GREM2: variants seen among roughly 807,000 people sequenced by gnomAD.
The protein encoded by GREM2 is gremlin 2, DAN family BMP antagonist, also known as gremlin-2.
GREM2 carries 11 observed loss-of-function variants against 14.2 expected under a neutral mutation model. That is an observed-to-expected ratio of 0.78 (90% CI 0.49 to 1.28). The LOEUF (loss-of-function observed/expected upper bound fraction) is 1.28, where lower values mean the gene tolerates loss of function less well. Among genes scored for constraint, GREM2 ranks in the 50% most tolerant of loss-of-function variants. The pLI is 0.00. For synonymous variants in GREM2, 98 were observed against 97.6 expected (o/e 1.00, Z -0.02); for missense variants, 210 against 218.5 (o/e 0.96, Z 0.24).
intron 1 of GREM2, among the ~76,000 whole-genome samples, chr1:240,508,270 T>C (rs2103286398): frequency 6.6e-6 from 1 of 152,350 alleles, no homozygotes; most frequent in African/African-American, 2.4e-5. Flanking sequence ...ACACATCTAA[T>C]GTTTCAGAGA....
Position 240,492,861 on chromosome 1 carries a change from G to A in GREM2, c.*108C>T. 2 of 1,115,986 alleles carry A rather than the reference G, an allele frequency of 1.8e-6. No homozygotes were observed. The highest frequency in any genetic ancestry group is 1.2e-6 in the Non-Finnish European group (1 of 864,178). 69.1% of individuals were successfully genotyped at this position (1,115,986 alleles called of 1,614,324 possible). A position where few individuals can be genotyped will look rare whatever the true frequency, so the allele number is the denominator to read the frequency against. ...TAAGAGAAGTGCTTGCTGCTGAGGG[G>A]GAACACCAGGCAGCGTGACAGTGGG... is the stretch of plus-strand genomic sequence containing the variant. On this transcript the variant is annotated 3_prime_UTR_variant, in exon 2 of 2. Transcript: ENST00000318160.
rs1677669264 is a variant in GREM2, at chr1:240,505,985, A to ATTT, written c.-1-12510_-1-12509insAAA. Among the ~76,000 whole-genome samples the ATTT allele has an allele frequency of 4.6e-5, 7 of 152,114 alleles. No individual in the cohort carries two copies. In the South Asian group the frequency reaches 1.5e-3, roughly 32 times the overall value. On this transcript the variant is annotated intron_variant, in intron 1 of 1. Coordinates refer to ENST00000318160, the MANE Select transcript of GREM2 (RefSeq NM_022469.4). ...AAAACGTGGTATAACCATTTTTTTA[A>ATTT]AAAAAAGATCCAGTTTGCAATACTC...
intron 1 of GREM2, among the ~76,000 whole-genome samples, chr1:240,499,408 G>A (rs554874846): frequency 2.0e-5 from 3 of 152,290 alleles, no homozygotes; most frequent in African/African-American, 4.8e-5. Context: ...AGTCCCCAGG[G>A]CTGAATAGCT....
intron 1 of GREM2, among the ~76,000 whole-genome samples, chr1:240,581,854 T>C (rs1679492414): frequency 6.6e-6 from 1 of 152,254 alleles, no homozygotes; most frequent in Non-Finnish European, 1.5e-5. Context: ...GTACACAGAA[T>C]TTGATTTTGG....
intron 1 of GREM2, among the ~76,000 whole-genome samples, chr1:240,572,438 T>G (rs962745096): frequency 3.3e-5 from 5 of 152,208 alleles, no homozygotes; most frequent in Admixed American, 3.3e-4. Context: ...CTTGTTTGCA[T>G]TCTATGAAAT....
At chr1:240,582,876 C>A (rs1389230219) in intron 1 of GREM2, among the ~76,000 whole-genome samples, 1 of 145,068 alleles carries the variant, frequency 6.9e-6, no homozygotes, top group Non-Finnish European at 1.5e-5. Context: ...AAGTACGTAG[C>A]TATTAGATTC....
intron 1 of GREM2, among the ~76,000 whole-genome samples, chr1:240,537,671 G>C (rs1425648069): frequency 1.3e-5 from 2 of 152,134 alleles, no homozygotes; most frequent in African/African-American, 4.8e-5. Flanking sequence ...TGTAATCCCA[G>C]CTACTCGGGA....
chr1:240,604,235 T>TG (rs897643553), intron 1 of GREM2, among the ~76,000 whole-genome samples: 2 of 151,722 alleles, frequency 1.3e-5, no homozygotes, highest in Non-Finnish European at 1.5e-5. Context: ...CCTCCAGTAT[T>TG]GGGGGTCACA....
At chr1:240,549,410 A>T (rs545343749) in intron 1 of GREM2, among the ~76,000 whole-genome samples, 7 of 152,134 alleles carry the variant, frequency 4.6e-5, no homozygotes, top group Non-Finnish European at 8.8e-5. Context: ...AAAATAATAC[A>T]TCAACTAATT....
At position 240,492,906 on chromosome 1, in the gene GREM2, G is replaced by A. The variant is rs1340297450; in HGVS notation, c.*63C>T. 1 of 1,326,294 alleles carries A rather than the reference G, an allele frequency of 7.5e-7. No individual in the cohort carries two copies. Among genetic ancestry groups the A allele is most frequent in the African/African-American group, 1.5e-5 (1 of 64,734 alleles). 82.2% of individuals were successfully genotyped at this position (1,326,294 alleles called of 1,614,324 possible). A position where few individuals can be genotyped will look rare whatever the true frequency, so the allele number is the denominator to read the frequency against. ...AGTGGGCTCGGAGGGCAGGGACAGA[G>A]GCGGCGGCGGCGCCACCCAGCGGCC... On this transcript the variant is annotated 3_prime_UTR_variant, in exon 2 of 2. Transcript: ENST00000318160.
Position 240,596,208 on chromosome 1 carries a change from CTT to C in GREM2, c.-2+15674_-2+15675del, listed in dbSNP as rs371692527. Among the ~76,000 whole-genome samples, 656 of 152,244 alleles carry C rather than the reference CTT, an allele frequency of 4.3e-3. 3 individuals are homozygous for C. The highest frequency in any genetic ancestry group is 0.015 in the African/African-American group (619 of 41,524). On this transcript the variant is annotated intron_variant, in intron 1 of 1. Transcript: ENST00000318160. The stretch of plus-strand genomic sequence containing the variant: ...GAAGATCCTACTTGCTTAAATATAA[CTT>C]AGAATCCTAAGTCTAATCAATCATC...
chr1:240,505,313 T>C (rs549512567), intron 1 of GREM2, among the ~76,000 whole-genome samples: 1 of 152,296 alleles, frequency 6.6e-6, no homozygotes, highest in Non-Finnish European at 1.5e-5. Flanking sequence ...AGATATTTCT[T>C]TATAGCCGAC....
chr1:240,535,928 G>C (rs941867507), intron 1 of GREM2, among the ~76,000 whole-genome samples: 1 of 152,168 alleles, frequency 6.6e-6, no homozygotes, highest in Non-Finnish European at 1.5e-5. Context: ...AAGAAGTAGG[G>C]AATGAGCCAG....
At chr1:240,506,694 T>C (rs1157867641) in intron 1 of GREM2, among the ~76,000 whole-genome samples, 1 of 152,232 alleles carries the variant, frequency 6.6e-6, no homozygotes, top group Non-Finnish European at 1.5e-5. Flanking sequence ...GTTGTGCACA[T>C]TAATTTATTC....
At chr1:240,537,878 A>G (rs1678507634) in intron 1 of GREM2, among the ~76,000 whole-genome samples, 1 of 152,250 alleles carries the variant, frequency 6.6e-6, no homozygotes, top group African/African-American at 2.4e-5. Flanking sequence ...TATTAATCAT[A>G]CATACCATGC....
chr1:240,562,265 G>T (rs1212941534), intron 1 of GREM2, among the ~76,000 whole-genome samples: 3 of 152,118 alleles, frequency 2.0e-5, no homozygotes, highest in Non-Finnish European at 4.4e-5. Context: ...TGGCCCCAGG[G>T]CTCCTTTCCT....
chr1:240,587,479 GACTGGC>G, intron 1 of GREM2, among the ~76,000 whole-genome samples: 1 of 151,528 alleles, frequency 6.6e-6, no homozygotes, highest in Non-Finnish European at 1.5e-5. Context: ...AAGCCACTGT[GACTGGC>G]TAATTTTTGT....
At chr1:240,549,553 C>T (rs966953707) in intron 1 of GREM2, among the ~76,000 whole-genome samples, 3 of 151,986 alleles carry the variant, frequency 2.0e-5, no homozygotes, top group Non-Finnish European at 2.9e-5. Context: ...ACAAAAAAAC[C>T]GGTGCATCTG....
intron 1 of GREM2, among the ~76,000 whole-genome samples, chr1:240,533,009 T>A (rs539896562): frequency 9.2e-5 from 14 of 152,234 alleles, no homozygotes; most frequent in Non-Finnish European, 1.8e-4. Flanking sequence ...CAGCAGGTAC[T>A]GTAATTGATA....
Sources: allele counts gnomAD v4.1 joint callset (sites outside exome capture counted in the v4.1 genomes callset), GRCh38; gene constraint gnomAD v4.1.1; transcripts MANE v1.5; gene names NCBI Gene and HGNC (gene_info 2026-07-23, HGNC 2026-07-21).